The following PUM1 variants were observed in gnomAD, a reference collection of about 807,000 sequenced individuals.
The protein encoded by PUM1 is pumilio RNA binding family member 1.
Under a neutral mutation model 131.8 loss-of-function variants are expected in PUM1, and 13 were observed. The observed-to-expected ratio is 0.10, with a 90% CI of 0.06 to 0.16. The LOEUF (loss-of-function observed/expected upper bound fraction) is 0.16. PUM1 is among the 10% of genes least tolerant of loss of function. PUM1 has a pLI of 1.00. For synonymous variants in PUM1, 509 were observed against 556.5 expected, an observed-to-expected ratio of 0.91 and a Z score of 1.20; for missense variants, 961 against 1,512.4, an observed-to-expected ratio of 0.64 and a Z score of 6.05.
At chr1:30,940,596 T>C (rs921379103) in intron 20 of PUM1, among the ~76,000 whole-genome samples, 1 of 152,222 alleles carries the variant, frequency 6.6e-6, no homozygotes, top group African/African-American at 2.4e-5. Flanking sequence ...ATGTGGGCAG[T>C]AGGACATATA....
chr1:30,962,839 T>C (rs2124434644), intron 14 of PUM1, among the ~76,000 whole-genome samples: 1 of 152,302 alleles, frequency 6.6e-6, no homozygotes, highest in South Asian at 2.1e-4. Context: ...ATCTGGCCTA[T>C]AAAACCTAAA....
At chr1:30,954,888 C>T (rs1209577342) in intron 14 of PUM1, among the ~76,000 whole-genome samples, 1 of 151,700 alleles carries the variant, frequency 6.6e-6, no homozygotes, top group African/African-American at 2.4e-5. Flanking sequence ...CAGAGAGAGA[C>T]CCCATCTCTA....
rs140383593 is a variant in PUM1, at chr1:30,964,810, G to T, written c.2187C>A (p.His729Gln). The T allele has an allele frequency of 7.4e-6, 12 of 1,614,036 alleles. No individual in the cohort carries two copies. Among genetic ancestry groups the T allele is most frequent in the Non-Finnish European group, 9.3e-6 (11 of 1,180,018 alleles). The change falls in exon 14 of 22, where the codon CAC (histidine) becomes CAA (glutamine). Residue 729 changes from histidine to glutamine, a missense_variant. By Grantham distance (24) the His-to-Gln change is conservative (BLOSUM62 0). This residue lies in a region of PUM1 where 654 missense variants were observed against 923.9 expected (regional missense o/e 0.71). Coordinates refer to ENST00000426105, the MANE Select transcript of PUM1 (RefSeq NM_001020658.2). ...RTSSSLTPIG[H>Q]SFYNGLSFSS... ...AAAAGCTAAGGCCGTTATAAAAACT[G>T]TGTCCAATGGGGGTCAAGCTGCTCG...
chr1:31,007,569 C>A (rs1293618925), intron 3 of PUM1, among the ~76,000 whole-genome samples: 1 of 152,188 alleles, frequency 6.6e-6, no homozygotes, highest in Admixed American at 6.5e-5. Context: ...CTATGGAATG[C>A]CAGAGGCAAA....
chr1:31,010,223 T>C (rs1642559860), intron 3 of PUM1, among the ~76,000 whole-genome samples: 4 of 152,180 alleles, frequency 2.6e-5, no homozygotes, highest in Admixed American at 1.3e-4. Flanking sequence ...TCTTTCTCCC[T>C]TTCCTCCAAA....
chr1:30,963,322 T>C (rs1313054062), intron 14 of PUM1, among the ~76,000 whole-genome samples: 1 of 152,166 alleles, frequency 6.6e-6, no homozygotes, highest in East Asian at 1.9e-4. Context: ...GAAACACTGT[T>C]GTGCAATGTA....
intron 6 of PUM1, among the ~76,000 whole-genome samples, chr1:30,994,681 T>C (rs1177371547): frequency 1.3e-5 from 2 of 152,212 alleles, no homozygotes; most frequent in Middle Eastern, 3.2e-3. Context: ...TATGACATAT[T>C]CCATTAGTAA....
At chr1:30,934,655 T>C (rs1045176647) in intron 21 of PUM1, among the ~76,000 whole-genome samples, 2 of 152,228 alleles carry the variant, frequency 1.3e-5, no homozygotes, top group African/African-American at 4.8e-5. Flanking sequence ...GTTGTAATAC[T>C]ATGTTACTAA....
intron 17 of PUM1, among the ~76,000 whole-genome samples, chr1:30,947,080 G>A (rs1276205517): frequency 1.3e-5 from 2 of 152,058 alleles, no homozygotes; most frequent in East Asian, 1.9e-4. Flanking sequence ...ACAGTCTTAC[G>A]GAGTGGACAC....
chr1:30,960,498 C>T (rs565923067), intron 14 of PUM1, among the ~76,000 whole-genome samples: 1 of 152,258 alleles, frequency 6.6e-6, no homozygotes, highest in African/African-American at 2.4e-5. Context: ...GAAAATCCTA[C>T]AGAATCCACC....
In PUM1 at chr1:31,042,289, G is replaced by A. The variant is rs185508393; in HGVS notation, c.364-13425C>T. Reference sequence around the variant, plus strand: ...CCACTGCACTCCAACCTGGGCAACAGAGCGAGACTCTGTATCAAAAATAAA... The same window carrying A: ...CCACTGCACTCCAACCTGGGCAACAAAGCGAGACTCTGTATCAAAAATAAA... On this transcript the variant is annotated intron_variant, in intron 2 of 21. Transcript: ENST00000426105. Among the ~76,000 whole-genome samples, 1,282 of 151,308 alleles carry A rather than the reference G, an allele frequency of 8.5e-3. 12 individuals are homozygous for A. The highest frequency in any genetic ancestry group is 0.029 in the African/African-American group (1,189 of 41,090).
At chr1:30,943,239 T>G (rs1465883139) in intron 18 of PUM1, among the ~76,000 whole-genome samples, 1 of 152,224 alleles carries the variant, frequency 6.6e-6, no homozygotes, top group African/African-American at 2.4e-5. Context: ...TTCTGTAGTT[T>G]ATTCTGCATG....
intron 14 of PUM1, among the ~76,000 whole-genome samples, chr1:30,959,900 C>A (rs1345749919): frequency 4.7e-5 from 7 of 149,074 alleles, no homozygotes; most frequent in Admixed American, 3.3e-4. Context: ...GACCAAGACT[C>A]CAGCTCAAAA....
At chr1:30,983,758 A>ATTT (rs386353877) in intron 7 of PUM1, among the ~76,000 whole-genome samples, 55 of 129,516 alleles carry the variant, frequency 4.2e-4, no homozygotes, top group African/African-American at 1.5e-3. Flanking sequence ...CACGCCTGGC[A>ATTT]TTTTTTTTTT....
At chr1:31,048,226 G>A (rs980169276) in intron 2 of PUM1, among the ~76,000 whole-genome samples, 7 of 151,074 alleles carry the variant, frequency 4.6e-5, no homozygotes, top group Non-Finnish European at 1.0e-4. Flanking sequence ...GCAACAGAAC[G>A]AGACTGTCTC....
chr1:31,022,524 CAA>C (rs907104229), intron 3 of PUM1, among the ~76,000 whole-genome samples: 1 of 152,176 alleles, frequency 6.6e-6, no homozygotes, highest in Non-Finnish European at 1.5e-5. Flanking sequence ...ACATTGGTCT[CAA>C]AGTCAGGACA....
At chr1:30,957,120 A>T (rs1443215530) in intron 14 of PUM1, among the ~76,000 whole-genome samples, 1 of 150,466 alleles carries the variant, frequency 6.6e-6, no homozygotes, top group African/African-American at 2.4e-5. Context: ...ACACACACAC[A>T]CACAGCTTTT....
chr1:30,995,587 A>G (rs1291018553), intron 5 of PUM1, among the ~76,000 whole-genome samples: 1 of 152,070 alleles, frequency 6.6e-6, no homozygotes, highest in Non-Finnish European at 1.5e-5. Context: ...ACTCTGTATA[A>G]TAGCATGACT....
chr1:31,053,679 G>A (rs1557607250), intron 2 of PUM1, among the ~76,000 whole-genome samples: 1 of 151,582 alleles, frequency 6.6e-6, no homozygotes, highest in Non-Finnish European at 1.5e-5. Context: ...TCACCATGTT[G>A]TCCAGGCTGC....
Sources: gnomAD v4.1 joint callset for allele counts (sites outside exome capture counted in the v4.1 genomes callset) on GRCh38, gnomAD v4.1.1 for gene constraint, gnomAD v4.1.1 regional missense constraint, MANE v1.5 for transcripts, NCBI Gene and HGNC (gene_info 2026-07-23, HGNC 2026-07-21) for gene names.